Variants in GADL1 observed in about 807,000 individuals in gnomAD.
GADL1 encodes the protein GAD like acidic amino acid decarboxylase 1.
A neutral mutation model predicts 69.5 loss-of-function variants in GADL1; 71 were observed. That is an observed-to-expected ratio of 1.02 (90% CI 0.84 to 1.25). The LOEUF (loss-of-function observed/expected upper bound fraction) is 1.25, where lower values mean the gene tolerates loss of function less well. Ranked by LOEUF, GADL1 falls within the 50% of genes most tolerant of loss-of-function variation. GADL1 has a pLI of 0.00. For missense variants in GADL1, 737 were observed against 631.8 expected (o/e 1.17, Z -1.79); for synonymous variants, 254 against 214.4 (o/e 1.18, Z -1.62).
intron 14 of GADL1, among the ~76,000 whole-genome samples, chr3:30,756,640 C>T (rs190886417): frequency 2.6e-5 from 4 of 152,108 alleles, no homozygotes; most frequent in East Asian, 3.9e-4. Flanking sequence ...CATTTGCTCT[C>T]GGAACACTAC....
At chr3:30,754,640 AAAC>A (rs1695920194) in intron 14 of GADL1, among the ~76,000 whole-genome samples, 1 of 152,124 alleles carries the variant, frequency 6.6e-6, no homozygotes, top group Non-Finnish European at 1.5e-5. Context: ...TACAAAAAAA[AAAC>A]TGCCTGTGAA....
At chr3:30,739,336 C>T (rs887447353) in intron 14 of GADL1, among the ~76,000 whole-genome samples, 17 of 152,140 alleles carry the variant, frequency 1.1e-4, no homozygotes, top group Admixed American at 2.6e-4. Context: ...CCTTCCTGTG[C>T]CCATCCTCCT....
At chr3:30,780,348 G>A (rs777377132) in intron 13 of GADL1, among the ~76,000 whole-genome samples, 1 of 152,098 alleles carries the variant, frequency 6.6e-6, no homozygotes, top group Non-Finnish European at 1.5e-5. Flanking sequence ...TACTCTCTCT[G>A]AAGAGGTCTA....
intron 1 of GADL1, among the ~76,000 whole-genome samples, chr3:30,866,633 A>T (rs1698406631): frequency 6.6e-6 from 1 of 151,968 alleles, no homozygotes. Flanking sequence ...AGAGGACCAC[A>T]GTGGTTGGGG....
intron 11 of GADL1, among the ~76,000 whole-genome samples, chr3:30,829,799 C>T (rs972099325): frequency 2.6e-5 from 4 of 151,850 alleles, no homozygotes; most frequent in African/African-American, 7.2e-5. Flanking sequence ...TAATGACATT[C>T]TTTCTCCTCA....
chr3:30,804,559 A>C (rs1032452914), intron 11 of GADL1, among the ~76,000 whole-genome samples: 61 of 116,556 alleles, frequency 5.2e-4, no homozygotes, highest in Non-Finnish European at 3.2e-4. Flanking sequence ...CAAATTCTTC[A>C]TCCTTCTTAC....
At chr3:30,798,019 T>A (rs1209154218) in intron 12 of GADL1, 1 of 152,184 alleles carries the variant, frequency 6.6e-6, no homozygotes, top group African/African-American at 2.4e-5. Flanking sequence ...TTTCTAATGT[T>A]CTTGAAAGTG....
At chr3:30,882,368 C>T (rs1450953495) in intron 1 of GADL1, among the ~76,000 whole-genome samples, 1 of 151,844 alleles carries the variant, frequency 6.6e-6, no homozygotes, top group East Asian at 1.9e-4. Flanking sequence ...CTGGAAATCA[C>T]CATCCTGTTT....
At chr3:30,752,716 C>T (rs1259119783) in intron 14 of GADL1, among the ~76,000 whole-genome samples, 3 of 152,162 alleles carry the variant, frequency 2.0e-5, no homozygotes, top group Admixed American at 6.5e-5. Flanking sequence ...AGGAACTTCC[C>T]CCAGCTCTTA....
intron 9 of GADL1, among the ~76,000 whole-genome samples, chr3:30,837,923 C>T (rs1196351665): frequency 6.6e-6 from 1 of 152,076 alleles, no homozygotes; most frequent in Non-Finnish European, 1.5e-5. Flanking sequence ...GAAGCAATAA[C>T]TCTAGTAAAC....
intron 3 of GADL1, among the ~76,000 whole-genome samples, chr3:30,856,784 G>A (rs1171692174): frequency 6.6e-6 from 1 of 151,934 alleles, no homozygotes; most frequent in Admixed American, 6.6e-5. Context: ...AGGAGAAGAG[G>A]ATATTTACAT....
intron 6 of GADL1, among the ~76,000 whole-genome samples, chr3:30,845,199 G>A (rs922625378): frequency 2.0e-5 from 3 of 152,168 alleles, no homozygotes; most frequent in Non-Finnish European, 4.4e-5. Flanking sequence ...GAGGCTAATA[G>A]ATGAATATGG....
chr3:30,780,624 C>G (rs1461191909), intron 13 of GADL1, among the ~76,000 whole-genome samples: 1 of 152,128 alleles, frequency 6.6e-6, no homozygotes, highest in Non-Finnish European at 1.5e-5. Context: ...CATTACAAAA[C>G]AGTTTACGAT....
intron 13 of GADL1, among the ~76,000 whole-genome samples, chr3:30,779,471 CTG>C (rs766729403): frequency 4.6e-5 from 7 of 152,178 alleles, no homozygotes; most frequent in African/African-American, 9.6e-5. Context: ...AAATGAAACA[CTG>C]TAATTCAACT....
chr3:30,736,662 C>T (rs1695545792), intron 14 of GADL1, among the ~76,000 whole-genome samples: 1 of 152,130 alleles, frequency 6.6e-6, no homozygotes, highest in Non-Finnish European at 1.5e-5. Flanking sequence ...AGACAGGCTG[C>T]AAGTTTGAAG....
rs373781272 is a variant in GADL1, at chr3:30,785,733, A to G, written c.1302+622T>C. On this transcript the variant is annotated intron_variant, in intron 13 of 14. Transcript: ENST00000282538. ...ACTGGAATCTCTAGGTTATTTTTACATTAGGTTAAAAACTGCTATAATACA... is the reference window on the plus strand; with the variant it reads ...ACTGGAATCTCTAGGTTATTTTTACGTTAGGTTAAAAACTGCTATAATACA... Among the ~76,000 whole-genome samples, 39 of 152,324 alleles carry G rather than the reference A, an allele frequency of 2.6e-4. 1 individual carries two copies. The highest frequency in any genetic ancestry group is 9.1e-4 in the African/African-American group (38 of 41,580).
At chr3:30,893,936 T>C (rs1329590360) in intron 1 of GADL1, among the ~76,000 whole-genome samples, 1 of 152,190 alleles carries the variant, frequency 6.6e-6, no homozygotes, top group African/African-American at 2.4e-5. Flanking sequence ...CGCCAACAAC[T>C]AGTTAGTGAG....
intron 6 of GADL1, among the ~76,000 whole-genome samples, chr3:30,844,880 T>C (rs140432094): frequency 6.6e-6 from 1 of 152,260 alleles, no homozygotes; most frequent in East Asian, 1.9e-4. Context: ...TTCCATCCCA[T>C]TGAGAAAAGT....
At chr3:30,758,214 C>T (rs1696025518) in intron 14 of GADL1, among the ~76,000 whole-genome samples, 1 of 151,952 alleles carries the variant, frequency 6.6e-6, no homozygotes, top group South Asian at 2.1e-4. Flanking sequence ...TCCTATCTGC[C>T]AAGTACTATC....
Sources: allele counts gnomAD v4.1 joint callset (sites outside exome capture counted in the v4.1 genomes callset), GRCh38; gene constraint gnomAD v4.1.1; transcripts MANE v1.5; gene names NCBI Gene and HGNC (gene_info 2026-07-23, HGNC 2026-07-21).